KCNN2: variants seen among roughly 807,000 people sequenced by gnomAD.
KCNN2 encodes small conductance calcium-activated potassium channel protein 2.
KCNN2 carries 24 observed loss-of-function variants against 55.5 expected under a neutral mutation model. The ratio of observed to expected loss-of-function variants is 0.43; its 90% CI spans 0.31 to 0.61. The LOEUF is 0.61. Ranked by LOEUF, KCNN2 falls within the 20% of genes least tolerant of loss-of-function variation. KCNN2 has a pLI of 0.08. For missense variants in KCNN2, 754 were observed against 853.6 expected (o/e 0.88, Z 1.45); for synonymous variants, 431 against 336.1 (o/e 1.28, Z -3.09).
intron 1 of KCNN2, among the ~76,000 whole-genome samples, chr5:114,137,128 G>A (rs1752189208): frequency 6.6e-6 from 1 of 152,028 alleles, no homozygotes; most frequent in Non-Finnish European, 1.5e-5. Context: ...GATTTAAATA[G>A]TCCTCCCCCT....
At chr5:114,355,781 A>G (rs1014007490) in intron 2 of KCNN2, among the ~76,000 whole-genome samples, 1 of 152,188 alleles carries the variant, frequency 6.6e-6, no homozygotes, top group Non-Finnish European at 1.5e-5. Context: ...AGCATTTGCC[A>G]GTGTCAATAT....
At chr5:114,162,642 G>C (rs1752813287) in intron 1 of KCNN2, among the ~76,000 whole-genome samples, 2 of 152,266 alleles carry the variant, frequency 1.3e-5, no homozygotes, top group South Asian at 4.1e-4. Context: ...AGCTGTGGTG[G>C]GCTCCACCCA....
At chr5:114,212,702 C>T (rs1372513126) in intron 1 of KCNN2, among the ~76,000 whole-genome samples, 1 of 151,872 alleles carries the variant, frequency 6.6e-6, no homozygotes, top group African/African-American at 2.4e-5. Context: ...GGAAGGACAT[C>T]CGTGTAAGAA....
intron 2 of KCNN2, among the ~76,000 whole-genome samples, chr5:114,245,850 C>T (rs1260948794): frequency 6.6e-6 from 1 of 152,124 alleles, no homozygotes; most frequent in Non-Finnish European, 1.5e-5. Flanking sequence ...TGTGCTAAGC[C>T]ACTGAGGACT....
At chr5:114,400,264 T>C (rs1758746216) in intron 2 of KCNN2, among the ~76,000 whole-genome samples, 1 of 152,176 alleles carries the variant, frequency 6.6e-6, no homozygotes, top group Non-Finnish European at 1.5e-5. Flanking sequence ...CTATAAACTT[T>C]TCTCTTAACA....
At position 114,453,886 on chromosome 5, in the gene KCNN2, A is replaced by G. The variant is rs1159674289; in HGVS notation, c.1638-9163A>G. Among the ~76,000 whole-genome samples, 4 of 151,968 alleles carry G rather than the reference A, an allele frequency of 2.6e-5. No individual in the cohort carries two copies. In the East Asian group the frequency reaches 5.8e-4, roughly 22 times the overall value. On this transcript the variant is annotated intron_variant, in intron 3 of 7. Coordinates refer to ENST00000673685, the MANE Select transcript of KCNN2 (RefSeq NM_021614.4). The stretch of plus-strand genomic sequence containing the variant: ...TTTGTTACATTGATATACATGTGTC[A>G]TGGTGGTTTGCTGCACCTGTCAACC...
At chr5:114,107,250 A>AT (rs1751506671) in intron 1 of KCNN2, among the ~76,000 whole-genome samples, 1 of 151,780 alleles carries the variant, frequency 6.6e-6, no homozygotes, top group Non-Finnish European at 1.5e-5. Flanking sequence ...CCAACAGTCT[A>AT]TTTGTCTATT....
At chr5:114,114,611 C>T (rs1329088347) in intron 1 of KCNN2, among the ~76,000 whole-genome samples, 5 of 152,024 alleles carry the variant, frequency 3.3e-5, no homozygotes, top group African/African-American at 7.2e-5. Flanking sequence ...AAACATGGCT[C>T]CTCTCATGGA....
At chr5:114,336,853 G>A (rs1333666199) in intron 2 of KCNN2, among the ~76,000 whole-genome samples, 4 of 152,048 alleles carry the variant, frequency 2.6e-5, no homozygotes, top group African/African-American at 4.8e-5. Flanking sequence ...TAAGGGGCTC[G>A]CATAGTGAAG....
chr5:114,373,157 A>G (rs1237770814), intron 2 of KCNN2, among the ~76,000 whole-genome samples: 2 of 152,098 alleles, frequency 1.3e-5, no homozygotes, highest in Non-Finnish European at 2.9e-5. Flanking sequence ...ATTCTGCAGT[A>G]TCTAGGTCCA....
At chr5:114,319,238 C>T (rs561870198) in intron 2 of KCNN2, among the ~76,000 whole-genome samples, 1 of 152,268 alleles carries the variant, frequency 6.6e-6, no homozygotes, top group South Asian at 2.1e-4. Flanking sequence ...TATCTGCACA[C>T]TGAGGTTCTT....
chr5:114,251,980 G>C (rs1362150721), intron 2 of KCNN2, among the ~76,000 whole-genome samples: 2 of 150,170 alleles, frequency 1.3e-5, no homozygotes, highest in African/African-American at 4.9e-5. Context: ...CCAGGTTCAA[G>C]CAATTCTCCC....
intron 2 of KCNN2, among the ~76,000 whole-genome samples, chr5:114,264,399 A>C (rs1391367752): frequency 2.6e-5 from 4 of 152,220 alleles, no homozygotes; most frequent in African/African-American, 9.6e-5. Flanking sequence ...ACAGAAATCA[A>C]CTAGTCTCTT....
intron 2 of KCNN2, among the ~76,000 whole-genome samples, chr5:114,314,531 T>A (rs1756461774): frequency 6.6e-6 from 1 of 152,180 alleles, no homozygotes; most frequent in Non-Finnish European, 1.5e-5. Context: ...CCTCTCTATA[T>A]TTTTGCCATT....
intron 3 of KCNN2, among the ~76,000 whole-genome samples, chr5:114,442,540 C>G (rs1760256283): frequency 6.6e-6 from 1 of 152,162 alleles, no homozygotes; most frequent in African/African-American, 2.4e-5. Flanking sequence ...TCCCATGCTT[C>G]TGTCCTGGGA....
At chr5:114,495,218 T>C (rs1425480686) in intron 7 of KCNN2, among the ~76,000 whole-genome samples, 1 of 152,214 alleles carries the variant, frequency 6.6e-6, no homozygotes, top group South Asian at 2.1e-4. Context: ...GTCAGAGCCA[T>C]GGCCAACAAG....
chr5:114,443,640 C>T (rs1296390183), intron 3 of KCNN2, among the ~76,000 whole-genome samples: 2 of 152,228 alleles, frequency 1.3e-5, no homozygotes, highest in African/African-American at 2.4e-5. Flanking sequence ...TTTCTGCCCT[C>T]AGGGGCTCTC....
intron 1 of KCNN2, among the ~76,000 whole-genome samples, chr5:114,062,844 T>C (rs1431526014): frequency 6.6e-6 from 1 of 152,232 alleles, no homozygotes; most frequent in Non-Finnish European, 1.5e-5. Flanking sequence ...TTAAGGCAGT[T>C]AAAATGTTAG....
intron 2 of KCNN2, among the ~76,000 whole-genome samples, chr5:114,239,916 A>G (rs972371319): frequency 6.6e-6 from 1 of 152,208 alleles, no homozygotes; most frequent in African/African-American, 2.4e-5. Flanking sequence ...ATTTTGAAGT[A>G]TTAGATTGAG....
Sources: gnomAD v4.1 joint callset for allele counts (sites outside exome capture counted in the v4.1 genomes callset) on GRCh38, gnomAD v4.1.1 for gene constraint, MANE v1.5 for transcripts, NCBI Gene and HGNC (gene_info 2026-07-23, HGNC 2026-07-21) for gene names.